KIAA0825: variants seen among roughly 807,000 people sequenced by gnomAD.
The protein encoded by KIAA0825 is uncharacterized protein KIAA0825.
A neutral mutation model predicts 147.6 loss-of-function variants in KIAA0825; 119 were observed. The observed-to-expected ratio is 0.81, with a 90% CI of 0.69 to 0.94. The LOEUF (loss-of-function observed/expected upper bound fraction) is 0.94, where lower values mean the gene tolerates loss of function less well. KIAA0825 is among the 40% of genes least tolerant of loss of function. KIAA0825 has a pLI of 0.00. For synonymous variants in KIAA0825, 470 were observed against 518.1 expected (o/e 0.91, Z 1.26); for missense variants, 1,381 against 1,472.7 (o/e 0.94, Z 1.02).
chr5:94,591,336 C>A (rs1784321243), intron 1 of KIAA0825, among the ~76,000 whole-genome samples: 1 of 152,208 alleles, frequency 6.6e-6, no homozygotes, highest in Admixed American at 6.5e-5. Context: ...ATCTCCCTTC[C>A]TTACCTTTTA....
intron 16 of KIAA0825, among the ~76,000 whole-genome samples, chr5:94,400,920 AC>A (rs1214149070): frequency 3.3e-5 from 5 of 152,126 alleles, no homozygotes; most frequent in Admixed American, 6.6e-5. Flanking sequence ...TGTCATTTTT[AC>A]TGTGTCAAGA....
At chr5:94,594,162 A>G in intron 1 of KIAA0825, 1 of 561,334 alleles carries the variant, frequency 1.8e-6, no homozygotes, top group South Asian at 1.4e-5. Flanking sequence ...TAATTTTAAT[A>G]TCAAATTCTT....
chr5:94,566,759 TCA>T (rs1326057058), intron 2 of KIAA0825, among the ~76,000 whole-genome samples: 1 of 152,136 alleles, frequency 6.6e-6, no homozygotes, highest in African/African-American at 2.4e-5. Flanking sequence ...ATACTCTCTC[TCA>T]GGTGATAAGC....
At chr5:94,608,509 T>TA (rs1788082559) in intron 1 of KIAA0825, among the ~76,000 whole-genome samples, 5 of 45,016 alleles carry the variant, frequency 1.1e-4, no homozygotes, top group Non-Finnish European at 2.0e-4. Context: ...ATATATATAT[T>TA]TTTTTTTAGA....
At chr5:94,608,007 T>C (rs1012868755) in intron 1 of KIAA0825, among the ~76,000 whole-genome samples, 15 of 152,134 alleles carry the variant, frequency 9.9e-5, no homozygotes, top group African/African-American at 3.6e-4. Context: ...ACTTGGATAA[T>C]CCAAGATAAT....
At chr5:94,381,644 G>A (rs1748427390) in intron 20 of KIAA0825, among the ~76,000 whole-genome samples, 1 of 152,156 alleles carries the variant, frequency 6.6e-6, no homozygotes, top group African/African-American at 2.4e-5. Flanking sequence ...TGACTGTATT[G>A]TGTTATCAGC....
chr5:94,586,814 T>C (rs995557612), intron 1 of KIAA0825, among the ~76,000 whole-genome samples: 2 of 152,184 alleles, frequency 1.3e-5, no homozygotes, highest in South Asian at 4.1e-4. Flanking sequence ...GCAAACTGAA[T>C]TCAGCAGCAC....
chr5:94,169,790 ATACT>A (rs1318508424), intron 20 of KIAA0825, among the ~76,000 whole-genome samples: 3 of 152,122 alleles, frequency 2.0e-5, no homozygotes, highest in African/African-American at 7.2e-5. Context: ...ATAACAGCTA[ATACT>A]TATTTAGCAA....
In KIAA0825 at chr5:94,372,166, C is replaced by G. The variant is rs190535683; in HGVS notation, c.3710+12202G>C. ...GCTTCTGTGGGTTTGAAGGATATAG[C>G]CCCCCTCCTGGCTGCTTTCACAGGC... is the stretch of plus-strand genomic sequence containing the variant. On this transcript the variant is annotated intron_variant, in intron 20 of 20. Transcript: ENST00000682413. Among the ~76,000 whole-genome samples, 28 of 152,344 alleles carry G rather than the reference C, an allele frequency of 1.8e-4. No homozygotes were observed. In the South Asian group the frequency reaches 2.9e-3, roughly 16 times the overall value.
chr5:94,377,915 A>G (rs1455113468), intron 20 of KIAA0825, among the ~76,000 whole-genome samples: 1 of 152,140 alleles, frequency 6.6e-6, no homozygotes, highest in Non-Finnish European at 1.5e-5. Flanking sequence ...TTTTTGTATC[A>G]TTTAACAAAC....
intron 2 of KIAA0825, among the ~76,000 whole-genome samples, chr5:94,558,328 G>A (rs1776950129): frequency 6.6e-6 from 1 of 152,140 alleles, no homozygotes; most frequent in Non-Finnish European, 1.5e-5. Flanking sequence ...TTTGAAATTT[G>A]GAATGGAGGC....
At chr5:94,264,445 A>T (rs1776649663) in intron 20 of KIAA0825, among the ~76,000 whole-genome samples, 1 of 152,148 alleles carries the variant, frequency 6.6e-6, no homozygotes, top group Non-Finnish European at 1.5e-5. Context: ...TTCTGCATCG[A>T]AGTTAACTTT....
chr5:94,477,226 C>T, intron 6 of KIAA0825, 21 bp from the exon 7 acceptor site: 1 of 1,386,940 alleles, frequency 7.2e-7, no homozygotes, highest in South Asian at 1.2e-5. Context: ...GAAAAGAAAA[C>T]AAACACACTA....
chr5:94,345,938 C>T (rs1250956366), intron 20 of KIAA0825, among the ~76,000 whole-genome samples: 5 of 152,068 alleles, frequency 3.3e-5, no homozygotes, highest in Admixed American at 1.3e-4. Context: ...GGGCTGCATG[C>T]ACCGGTAATT....
At chr5:94,551,619 A>G (rs1054132867) in intron 2 of KIAA0825, among the ~76,000 whole-genome samples, 1 of 152,100 alleles carries the variant, frequency 6.6e-6, no homozygotes, top group Admixed American at 6.5e-5. Context: ...CAGCAAACCT[A>G]TCCTTCAGAA....
At chr5:94,295,668 A>G (rs1562354307) in intron 20 of KIAA0825, among the ~76,000 whole-genome samples, 1 of 152,048 alleles carries the variant, frequency 6.6e-6, no homozygotes, top group South Asian at 2.1e-4. Flanking sequence ...TTTCCTTCTA[A>G]CAGTCAGGCC....
At chr5:94,446,596 T>C (rs989916875) in intron 13 of KIAA0825, among the ~76,000 whole-genome samples, 2 of 152,106 alleles carry the variant, frequency 1.3e-5, no homozygotes, top group African/African-American at 4.8e-5. Flanking sequence ...AAAATGTAAA[T>C]GGGTTAATGT....
intron 1 of KIAA0825, chr5:94,593,945 G>T: frequency 2.2e-6 from 1 of 454,860 alleles, no homozygotes; most frequent in Middle Eastern, 7.5e-4. Context: ...ACCACAGTGT[G>T]ACCCAAATAA....
intron 3 of KIAA0825, among the ~76,000 whole-genome samples, chr5:94,531,682 G>T (rs2151298534): frequency 6.6e-6 from 1 of 152,206 alleles, no homozygotes; most frequent in East Asian, 1.9e-4. Context: ...CTTCCTATGT[G>T]GCCTGGTTTG....
Sources: allele counts gnomAD v4.1 joint callset (sites outside exome capture counted in the v4.1 genomes callset), GRCh38; gene constraint gnomAD v4.1.1; transcripts MANE v1.5; gene names NCBI Gene and HGNC (gene_info 2026-07-23, HGNC 2026-07-21).